The following GPR83 variants were observed in gnomAD, a reference collection of about 807,000 sequenced individuals.
GPR83 encodes G protein-coupled receptor 83.
Under a neutral mutation model 28.0 loss-of-function variants are expected in GPR83, and 23 were observed. That is an observed-to-expected ratio of 0.82 (90% CI 0.59 to 1.16). The LOEUF (loss-of-function observed/expected upper bound fraction) is 1.16, where lower values mean the gene tolerates loss of function less well. Among genes scored for constraint, GPR83 ranks in the 50% most tolerant of loss-of-function variants. GPR83 has a pLI of 0.00. For synonymous variants in GPR83, 234 were observed against 215.4 expected (o/e 1.09, Z -0.76); for missense variants, 610 against 536.6 (o/e 1.14, Z -1.35).
At position 94,382,608 on chromosome 11, in the gene GPR83, A is replaced by G. The variant is rs532822577; in HGVS notation, c.648-1835T>C. On this transcript the variant is annotated intron_variant, in intron 3 of 3. Transcript: ENST00000243673. ...GGGAGACTTCACCACCCCACTGTCA[A>G]TATTAGACAGATCAATGAGACAGAA... 7.2e-5 allele frequency among the ~76,000 whole-genome samples: 11 copies of G among 152,252 alleles called. No individual in the cohort carries two copies. The East Asian group carries it at 1.9e-3, about 27-fold the overall frequency.
chr11:94,389,113 C>A (rs1186310850), intron 3 of GPR83, among the ~76,000 whole-genome samples: 1 of 152,186 alleles, frequency 6.6e-6, no homozygotes, highest in Admixed American at 6.5e-5. Flanking sequence ...GGAAAATTGG[C>A]TAGCCATATG....
intron 3 of GPR83, among the ~76,000 whole-genome samples, chr11:94,387,429 A>T: frequency 6.6e-6 from 1 of 152,220 alleles, no homozygotes; most frequent in Non-Finnish European, 1.5e-5. Context: ...ATAGACCGCT[A>T]GCAAGACTAA....
chr11:94,391,223 G>A (rs1310319247), intron 3 of GPR83, among the ~76,000 whole-genome samples: 5 of 152,042 alleles, frequency 3.3e-5, no homozygotes, highest in African/African-American at 9.7e-5. Flanking sequence ...CACAATGAGG[G>A]AAAGAGTCCC....
chr11:94,396,353 G>A, intron 2 of GPR83, 46 bp downstream of exon 2: 1 of 1,590,936 alleles, frequency 6.3e-7, no homozygotes, highest in Non-Finnish European at 8.6e-7. Context: ...CCAGGAAAGG[G>A]AAGCAAGAGA....
intron 3 of GPR83, 84 bp from the exon 4 acceptor site, chr11:94,380,857 C>T: frequency 8.2e-7 from 1 of 1,220,242 alleles, no homozygotes; most frequent in Non-Finnish European, 1.1e-6. Flanking sequence ...GAAGCACTGG[C>T]CTCTCCTTCC....
At chr11:94,382,727 T>C (rs1348917700) in intron 3 of GPR83, among the ~76,000 whole-genome samples, 1 of 152,138 alleles carries the variant, frequency 6.6e-6, no homozygotes, top group Non-Finnish European at 1.5e-5. Context: ...CAACAGAATA[T>C]ACATTCTTCT....
Position 94,380,242 on chromosome 11 carries a change from C to T in GPR83, c.1179G>A (p.Arg393=). The T allele has an allele frequency of 6.5e-7, 1 of 1,533,028 alleles. No individual in the cohort carries two copies. Among genetic ancestry groups the T allele is most frequent in the East Asian group, 2.3e-5 (1 of 44,250 alleles). 95.0% of individuals were successfully genotyped at this position (1,533,028 alleles called of 1,614,324 possible). Residue 393 remains arginine (R), a synonymous_variant, in exon 4 of 4, where the codon AGG becomes AGA. Transcript: ENST00000243673. ...VAWTEKNDGQ[R]APLANNLLPT... ...GCAGGAGGTTATTGGCAAGGGGAGC[C>T]CTCTGGCCATCATTCTTCTCTGTCC...
Position 94,400,850 on chromosome 11 carries a change from G to C in GPR83, c.387+11C>G. On this transcript the variant is annotated intron_variant, in intron 1 of 3. Coordinates refer to ENST00000243673, the MANE Select transcript of GPR83 (RefSeq NM_016540.4). ...GACAGAAGGTGGGGCGGCAGGCAGC[G>C]GGCCCCTTACCAAAGTGAAGGGGGT... is the stretch of plus-strand genomic sequence containing the variant. 1 of 1,611,142 alleles carries C rather than the reference G, an allele frequency of 6.2e-7. No homozygotes were observed. Among genetic ancestry groups the C allele is most frequent in the South Asian group, 1.1e-5 (1 of 90,812 alleles).
Position 94,380,186 on chromosome 11 carries a change from T to A in GPR83, c.1235A>T (p.Asp412Val), listed in dbSNP as rs775626000. 8 of 1,518,012 alleles carry A rather than the reference T, an allele frequency of 5.3e-6. No homozygotes were observed. The highest frequency in any genetic ancestry group is 2.8e-5 in the African/African-American group (2 of 71,752). The allele number at this position is 1,518,012 out of a possible 1,614,324, so 94.0% of individuals were successfully genotyped here. A position where few individuals can be genotyped will look rare whatever the true frequency, so the allele number is the denominator to read the frequency against. Residue 412 changes from aspartate to valine, a missense_variant, in exon 4 of 4, where the codon GAC becomes GTC. By Grantham distance (152) the Asp-to-Val change is radical. Transcript: ENST00000243673. ...PTSQLQSGKT[D>V]LSSVEPIVTM... ...CACAATGGGTTCCACAGATGACAGG[T>A]CTGTCTTCCCAGACTGGAGTTGGGA...
In GPR83 at chr11:94,380,166, T is replaced by C. The variant is rs1944670243; in HGVS notation, c.1255A>G (p.Ile419Val). The part of the protein sequence containing the change: ...GKTDLSSVEP[I>V]VTMS Reference sequence around the variant, plus strand: ...AACCTCTTCTAACTCATCGTCACAATGGGTTCCACAGATGACAGGTCTGTC... The same window carrying C: ...AACCTCTTCTAACTCATCGTCACAACGGGTTCCACAGATGACAGGTCTGTC... Residue 419 changes from isoleucine (I) to valine (V), a missense_variant, in exon 4 of 4, where the codon ATT becomes GTT. Coordinates refer to ENST00000243673, the MANE Select transcript of GPR83 (RefSeq NM_016540.4). 2 of 1,512,586 alleles carry C rather than the reference T, an allele frequency of 1.3e-6. No individual in the cohort carries two copies. The highest frequency in any genetic ancestry group is 1.8e-6 in the Non-Finnish European group (2 of 1,131,194). 93.7% of individuals were successfully genotyped at this position (1,512,586 alleles called of 1,614,324 possible).
intron 1 of GPR83, among the ~76,000 whole-genome samples, chr11:94,398,894 T>C (rs1465683883): frequency 6.6e-6 from 1 of 152,098 alleles, no homozygotes. Flanking sequence ...GCTTGATGGG[T>C]CAGGTTCAAG....
Position 94,378,642 on chromosome 11 carries a change from G to A in GPR83, c.*1507C>T, listed in dbSNP as rs7933565. 82,326 of 152,512 alleles carry A rather than the reference G, an allele frequency of 0.54. 22,809 individuals are homozygous for A. Among genetic ancestry groups the A allele is most frequent in the East Asian group, 0.64 (3,289 of 5,160 alleles). The allele number at this position is 152,512 out of a possible 1,614,324, so 9.4% of individuals were successfully genotyped here. ...GAACCACCAAAATGATGTTGACAGC[G>A]AATCTCCTTTTGAGAAATGGTGTGA... On this transcript the variant is annotated 3_prime_UTR_variant, in exon 4 of 4. Transcript: ENST00000243673.
Position 94,378,420 on chromosome 11 carries a change from A to C in GPR83, c.*1729T>G, listed in dbSNP as rs1042686257. 6.6e-6 allele frequency: 1 copy of C among 152,162 alleles called. No individual in the cohort carries two copies. The highest frequency in any genetic ancestry group is 6.5e-5 in the Admixed American group (1 of 15,280). 9.4% of individuals were successfully genotyped at this position (152,162 alleles called of 1,614,324 possible). ...ACCTAAAAGCAGTGTGTCAGTAACA[A>C]TTGTTTAGAGCAGGTGAATTAAGCT... is the stretch of plus-strand genomic sequence containing the variant. On this transcript the variant is annotated 3_prime_UTR_variant, in exon 4 of 4. Coordinates refer to ENST00000243673, the MANE Select transcript of GPR83 (RefSeq NM_016540.4).
chr11:94,396,535 G>A lies in GPR83; in HGVS notation c.388-11C>T, dbSNP rs781057332. ...GTTCACAAAGCGAACCTGGAGATGAGCCCAAAGATGTTAGGAGACAGACAG... is the reference window on the plus strand; with the variant it reads ...GTTCACAAAGCGAACCTGGAGATGAACCCAAAGATGTTAGGAGACAGACAG... On this transcript the variant is annotated splice_polypyrimidine_tract_variant and intron_variant, in intron 1 of 3. Coordinates refer to ENST00000243673, the MANE Select transcript of GPR83 (RefSeq NM_016540.4). The A allele has an allele frequency of 1.6e-5, 26 of 1,612,766 alleles. No individual in the cohort carries two copies. In the South Asian group the frequency reaches 2.0e-4, roughly 12 times the overall value.
chr11:94,399,707 C>T (rs1944894025), intron 1 of GPR83, among the ~76,000 whole-genome samples: 2 of 152,132 alleles, frequency 1.3e-5, no homozygotes, highest in South Asian at 4.1e-4. Flanking sequence ...AGGAGACAGA[C>T]AGAGAGGGAT....
intron 3 of GPR83, among the ~76,000 whole-genome samples, chr11:94,391,972 G>A (rs764765983): frequency 6.6e-6 from 1 of 151,916 alleles, no homozygotes; most frequent in Non-Finnish European, 1.5e-5. Flanking sequence ...CCCATTATTG[G>A]GTATACACCC....
chr11:94,390,970 CTACTT>C (rs533144451), intron 3 of GPR83, among the ~76,000 whole-genome samples: 2 of 152,300 alleles, frequency 1.3e-5, no homozygotes, highest in South Asian at 4.1e-4. Flanking sequence ...TTGGAAAAAA[CTACTT>C]TAAAATTCGT....
In GPR83 at chr11:94,399,386, G is replaced by A. The variant is rs540601925; in HGVS notation, c.387+1475C>T. Among the ~76,000 whole-genome samples the A allele has an allele frequency of 4.6e-5, 7 of 152,332 alleles. 1 individual carries two copies. Among genetic ancestry groups the A allele is most frequent in the African/African-American group, 1.7e-4 (7 of 41,580 alleles). ...AGCAGAAGCTAAACATGGTCCAAGA[G>A]TGTCCTTCACTCCCAGCTGGCTGGT... On this transcript the variant is annotated intron_variant, in intron 1 of 3. Coordinates refer to ENST00000243673, the MANE Select transcript of GPR83 (RefSeq NM_016540.4).
intron 2 of GPR83, among the ~76,000 whole-genome samples, chr11:94,396,079 G>A (rs992186617): frequency 6.6e-6 from 1 of 152,216 alleles, no homozygotes; most frequent in Non-Finnish European, 1.5e-5. Context: ...AACTAGCCAG[G>A]CGTGGTGGCG....
Sources: gnomAD v4.1 joint callset for allele counts (sites outside exome capture counted in the v4.1 genomes callset) on GRCh38, gnomAD v4.1.1 for gene constraint, MANE v1.5 for transcripts, NCBI Gene and HGNC (gene_info 2026-07-23, HGNC 2026-07-21) for gene names.